Variants in GLDC observed in about 807,000 individuals in gnomAD.
GLDC encodes glycine decarboxylase, also known as glycine dehydrogenase (decarboxylating), mitochondrial.
A neutral mutation model predicts 121.3 loss-of-function variants in GLDC; 104 were observed. That is an observed-to-expected ratio of 0.86 (90% confidence interval 0.73 to 1.01). The LOEUF (loss-of-function observed/expected upper bound fraction) is 1.01. GLDC is among the 50% of genes least tolerant of loss of function. GLDC has a pLI of 0.00. For synonymous variants in GLDC, 546 were observed against 480.6 expected, an observed-to-expected ratio of 1.14 and a Z score of -1.78; for missense variants, 1,429 against 1,306.6, an observed-to-expected ratio of 1.09 and a Z score of -1.44.
At chr9:6,625,691 C>G (rs1483990330) in intron 2 of GLDC, among the ~76,000 whole-genome samples, 1 of 152,118 alleles carries the variant, frequency 6.6e-6, no homozygotes, top group Non-Finnish European at 1.5e-5. Flanking sequence ...TTTGATTTTG[C>G]TTGTAGACTT....
At chr9:6,592,802 C>T in intron 10 of GLDC, 49 bp downstream of exon 10, 1 of 1,557,368 alleles carries the variant, frequency 6.4e-7, no homozygotes, top group South Asian at 1.1e-5. Flanking sequence ...TAATGAGAAA[C>T]AATGTGAAAA....
intron 21 of GLDC, among the ~76,000 whole-genome samples, chr9:6,545,043 G>A (rs1817358033): frequency 6.6e-6 from 1 of 151,856 alleles, no homozygotes; most frequent in Admixed American, 6.6e-5. Context: ...AGGTTGAGGT[G>A]AGCTGAGATT....
At chr9:6,613,431 G>T (rs961607371) in intron 3 of GLDC, among the ~76,000 whole-genome samples, 1 of 152,128 alleles carries the variant, frequency 6.6e-6, no homozygotes, top group Non-Finnish European at 1.5e-5. Context: ...TTCGAGACCA[G>T]CCTGGGCAAC....
intron 5 of GLDC, among the ~76,000 whole-genome samples, 167 bp downstream of exon 5, chr9:6,606,425 C>T (rs1434595514): frequency 6.6e-6 from 1 of 151,928 alleles, no homozygotes; most frequent in Non-Finnish European, 1.5e-5. Flanking sequence ...CAGAGAGATG[C>T]CCAGAAGAAA....
rs1265217965 is a variant in GLDC at position 6,532,873 on chromosome 9, C to T, written c.*144G>A. ...CGACTCCCTCCAGCTACTGTATTTA[C>T]ATTTACCTTGACAGAGATTACAGAG... On this transcript the variant is annotated 3_prime_UTR_variant, in exon 25 of 25. Transcript: ENST00000321612. The T allele has an allele frequency of 2.7e-6, 2 of 747,192 alleles. No homozygotes were observed. Among genetic ancestry groups the T allele is most frequent in the Middle Eastern group, 7.5e-4 (2 of 2,670 alleles). 46.3% of individuals were successfully genotyped at this position (747,192 alleles called of 1,614,324 possible). A position where few individuals can be genotyped will look rare whatever the true frequency, so the allele number is the denominator to read the frequency against.
intron 2 of GLDC, among the ~76,000 whole-genome samples, chr9:6,638,825 A>G (rs780494270): frequency 2.0e-5 from 3 of 152,068 alleles, no homozygotes; most frequent in Admixed American, 6.6e-5. Context: ...CCTGACCAAC[A>G]TAGTGAAACC....
At chr9:6,627,919 G>T (rs1819279658) in intron 2 of GLDC, among the ~76,000 whole-genome samples, 2 of 152,316 alleles carry the variant, frequency 1.3e-5, no homozygotes, top group Middle Eastern at 3.4e-3. Flanking sequence ...GGCCAGATCT[G>T]CAGGAGAACA....
chr9:6,545,144 C>T (rs555928189), intron 21 of GLDC, among the ~76,000 whole-genome samples: 1 of 152,058 alleles, frequency 6.6e-6, no homozygotes, highest in South Asian at 2.1e-4. Flanking sequence ...TGAGGTAATT[C>T]CTTTCTTTCC....
At chr9:6,538,487 G>A (rs901934245) in intron 22 of GLDC, among the ~76,000 whole-genome samples, 2 of 152,160 alleles carry the variant, frequency 1.3e-5, no homozygotes, top group Non-Finnish European at 2.9e-5. Context: ...TTAAGACCTG[G>A]AAACTGTGTT....
At chr9:6,641,134 C>G (rs1444625666) in intron 2 of GLDC, among the ~76,000 whole-genome samples, 2 of 152,210 alleles carry the variant, frequency 1.3e-5, no homozygotes, top group Non-Finnish European at 2.9e-5. Flanking sequence ...GGGGGAGCAT[C>G]CTTAGTGACT....
intron 3 of GLDC, 140 bp downstream of exon 3, chr9:6,620,044 G>T: frequency 1.2e-6 from 1 of 816,342 alleles, no homozygotes; most frequent in Non-Finnish European, 2.1e-6. Flanking sequence ...AGAGAAACCC[G>T]GTAGGTTCCC....
At position 6,589,414 on chromosome 9, in the gene GLDC, T is replaced by A. The variant is rs74719183; in HGVS notation, c.1483-122A>T. 3,080 of 359,970 alleles carry A rather than the reference T, an allele frequency of 8.6e-3. 77 individuals are homozygous for A. The highest frequency in any genetic ancestry group is 0.06 in the African/African-American group (2,749 of 45,654). The allele number at this position is 359,970 out of a possible 1,614,324, so 22.3% of individuals were successfully genotyped here. A position where few individuals can be genotyped will look rare whatever the true frequency, so the allele number is the denominator to read the frequency against. On this transcript the variant is annotated intron_variant, in intron 11 of 24. Coordinates refer to ENST00000321612, the MANE Select transcript of GLDC (RefSeq NM_000170.3). Reference sequence around the variant, plus strand: ...AATGGATCAAATATATAATTTTACTTATTTATTTATTTATTTATTTATTTA... The same window carrying A: ...AATGGATCAAATATATAATTTTACTAATTTATTTATTTATTTATTTATTTA...
chr9:6,587,042 G>A (rs1818284994), intron 15 of GLDC, 99 bp downstream of exon 15: 4 of 986,388 alleles, frequency 4.1e-6, no homozygotes, highest in Non-Finnish European at 6.5e-6. Flanking sequence ...GCAAGTCACA[G>A]AATAACACAA....
intron 9 of GLDC, 101 bp from the exon 10 acceptor site, chr9:6,593,091 TG>T: frequency 1.5e-6 from 2 of 1,292,862 alleles, no homozygotes; most frequent in Non-Finnish European, 2.2e-6. Flanking sequence ...ACTAGACTCT[TG>T]TTGGTCCTGG....
chr9:6,542,268 G>C (rs1470098943), intron 21 of GLDC: 1 of 152,208 alleles, frequency 6.6e-6, no homozygotes, highest in African/African-American at 2.4e-5. Flanking sequence ...ACACAGTTGA[G>C]CGCTCCGTCA....
rs1819027252 is a variant in GLDC, at chr9:6,619,145, GCA to G, written c.470+1037_470+1038del. Among the ~76,000 whole-genome samples the G allele has an allele frequency of 9.9e-5, 3 of 30,196 alleles. No homozygotes were observed. In the South Asian group the frequency reaches 4.2e-3, roughly 42 times the overall value. The allele number at this position is 30,196 out of a possible 152,430, so 19.8% of individuals were successfully genotyped here. A position where few individuals can be genotyped will look rare whatever the true frequency, so the allele number is the denominator to read the frequency against. ...GCAACAGAGTGAGACTCTGTCTCAGGCAAAAAAAAAAAAAAAAAAAAAAAAAA... is the reference window on the plus strand; with the variant it reads ...GCAACAGAGTGAGACTCTGTCTCAGGAAAAAAAAAAAAAAAAAAAAAAAAA... On this transcript the variant is annotated intron_variant, in intron 3 of 24. Transcript: ENST00000321612.
At position 6,533,018 on chromosome 9, in the gene GLDC, TAAG is replaced by T; in HGVS notation, c.3059_3061del (p.Ser1020del). On this transcript the variant is annotated inframe_deletion, in exon 25 of 25. Transcript: ENST00000321612. ...TCCTTTAAACTTAGGGACAGAGGAC[TAAG>T]AAGACGCCCTCTTTTGTTCAGAAAA... 3.1e-6 allele frequency: 5 copies of T among 1,606,778 alleles called. No homozygotes were observed. The highest frequency in any genetic ancestry group is 4.3e-6 in the Non-Finnish European group (5 of 1,173,804).
At chr9:6,608,511 C>G (rs959514315) in intron 4 of GLDC, among the ~76,000 whole-genome samples, 52 of 150,196 alleles carry the variant, frequency 3.5e-4, no homozygotes, top group African/African-American at 1.1e-3. Flanking sequence ...GAGGCCGAGG[C>G]GGGCGGATCA....
At chr9:6,565,273 G>T in intron 16 of GLDC, 81 bp downstream of exon 16, 1 of 947,220 alleles carries the variant, frequency 1.1e-6, no homozygotes, top group Non-Finnish European at 1.8e-6. Flanking sequence ...AGGCTTGGAG[G>T]GAGTGTCCCA....
Sources: allele counts gnomAD v4.1 joint callset (sites outside exome capture counted in the v4.1 genomes callset), GRCh38; gene constraint gnomAD v4.1.1; transcripts MANE v1.5; gene names NCBI Gene and HGNC (gene_info 2026-07-23, HGNC 2026-07-21).